The following TTYH3 variants were observed in gnomAD, a reference collection of about 807,000 sequenced individuals.
TTYH3 encodes protein tweety homolog 3.
In TTYH3, 23 loss-of-function variants were observed where a neutral mutation model predicts 68.2. The ratio of observed to expected loss-of-function variants is 0.34; its 90% CI spans 0.24 to 0.48. TTYH3 has a LOEUF of 0.48. Ranked by LOEUF, TTYH3 falls within the 20% of genes least tolerant of loss-of-function variation. The probability of loss-of-function intolerance (pLI) is 0.99; values close to 1 mark genes in which losing one functional copy is unlikely to be tolerated. For synonymous variants in TTYH3, 360 were observed against 332.8 expected, an observed-to-expected ratio of 1.08 and a Z score of -0.89; for missense variants, 768 against 727.7, an observed-to-expected ratio of 1.06 and a Z score of -0.64.
At chr7:2,640,551 T>C (rs1562708589) in intron 1 of TTYH3, among the ~76,000 whole-genome samples, 1 of 152,086 alleles carries the variant, frequency 6.6e-6, no homozygotes, top group Non-Finnish European at 1.5e-5. Context: ...CCTGTGCAGG[T>C]GGCAGGCAGT....
intron 1 of TTYH3, among the ~76,000 whole-genome samples, chr7:2,638,194 C>G (rs1785731483): frequency 6.6e-6 from 1 of 152,088 alleles, no homozygotes; most frequent in Non-Finnish European, 1.5e-5. Flanking sequence ...CTGGCTGGGT[C>G]TGAGGCCTGG....
At position 2,646,866 on chromosome 7, in the gene TTYH3, TG is replaced by T; in HGVS notation, c.142del (p.Ala48ProfsTer96). 1 of 1,596,140 alleles carries T rather than the reference TG, an allele frequency of 6.3e-7. No individual in the cohort carries two copies. Among genetic ancestry groups the T allele is most frequent in the South Asian group, 1.1e-5 (1 of 90,494 alleles). On this transcript the variant is annotated frameshift_variant, in exon 2 of 14. Transcript: ENST00000258796. LOFTEE classifies it high-confidence loss of function. ...DTDYQQALLL[L>X]GAAALACLAL... ...GCCTGCCCTCAGGCCCTGCTGCTCC[TG>T]GGGGCCGCCGCCCTGGCCTGCCTCG...
intron 1 of TTYH3, among the ~76,000 whole-genome samples, chr7:2,639,864 C>A (rs1044151737): frequency 6.6e-6 from 1 of 152,166 alleles, no homozygotes; most frequent in Non-Finnish European, 1.5e-5. Flanking sequence ...CTTCTGCCCA[C>A]CCCTTCTCTG....
At position 2,647,587 on chromosome 7, in the gene TTYH3, C is replaced by T. The variant is rs1316596905; in HGVS notation, c.575C>T (p.Ala192Val). 13 of 1,573,846 alleles carry T rather than the reference C, an allele frequency of 8.3e-6. No homozygotes were observed. Among genetic ancestry groups the T allele is most frequent in the African/African-American group, 1.3e-5 (1 of 74,106 alleles). The change falls in exon 4 of 14, where the codon GCG (alanine) becomes GTG (valine). Residue 192 changes from alanine to valine, a missense_variant. Physicochemically the swap from Ala to Val is moderately conservative, Grantham distance 64. Coordinates refer to ENST00000258796, the MANE Select transcript of TTYH3 (RefSeq NM_025250.3). Reference sequence around the variant, plus strand: ...GCCATCCCCTTTTGGAGGAACACGGCGGTGTCGCTGGAGGTGCTGGCGGAG... The same window carrying T: ...GCCATCCCCTTTTGGAGGAACACGGTGGTGTCGCTGGAGGTGCTGGCGGAG... Reference protein sequence around the residue: ...TAAIPFWRNTAVSLEVLAEQV... With the variant: ...TAAIPFWRNTVVSLEVLAEQV...
chr7:2,639,192 T>A (rs1428581579), intron 1 of TTYH3, among the ~76,000 whole-genome samples: 1 of 152,006 alleles, frequency 6.6e-6, no homozygotes, highest in Non-Finnish European at 1.5e-5. Flanking sequence ...TGGGGGTCAC[T>A]CCCCTCCCAC....
At chr7:2,632,535 G>C (rs753213742) in intron 1 of TTYH3, among the ~76,000 whole-genome samples, 1 of 152,034 alleles carries the variant, frequency 6.6e-6, no homozygotes, top group Non-Finnish European at 1.5e-5. Flanking sequence ...GAGGGTCCAC[G>C]GCCCCCCTCC....
chr7:2,651,944 A>G lies in TTYH3; in HGVS notation c.872-243A>G, dbSNP rs567743359. ...CATGTACACACAGACATGCACACATATAAACACACAGACACATGCACACCG... is the reference window on the plus strand; with the variant it reads ...CATGTACACACAGACATGCACACATGTAAACACACAGACACATGCACACCG... On this transcript the variant is annotated intron_variant, in intron 7 of 13. Coordinates refer to ENST00000258796, the MANE Select transcript of TTYH3 (RefSeq NM_025250.3). Among the ~76,000 whole-genome samples, 13 of 152,290 alleles carry G rather than the reference A, an allele frequency of 8.5e-5. No homozygotes were observed. In the East Asian group the frequency reaches 9.7e-4, roughly 11 times the overall value.
intron 9 of TTYH3, 44 bp downstream of exon 9, chr7:2,653,054 T>G: frequency 2.6e-6 from 4 of 1,513,420 alleles, no homozygotes; most frequent in Non-Finnish European, 3.6e-6. Context: ...AGGGCTCCTC[T>G]TTTCTCAGCA....
At chr7:2,656,886 C>T (rs1208632732) in intron 11 of TTYH3, among the ~76,000 whole-genome samples, 3 of 152,252 alleles carry the variant, frequency 2.0e-5, no homozygotes, top group Non-Finnish European at 4.4e-5. Context: ...GCCTCCCAGG[C>T]AGGTGTCCCC....
At chr7:2,653,492 G>A (rs1444252992) in intron 9 of TTYH3, among the ~76,000 whole-genome samples, 4 of 152,268 alleles carry the variant, frequency 2.6e-5, no homozygotes, top group Non-Finnish European at 4.4e-5. Context: ...TGGGGGCATT[G>A]TGGAAATTTG....
At position 2,660,493 on chromosome 7, in the gene TTYH3, C is replaced by T. The variant is rs1053346890; in HGVS notation, c.1501-1175C>T. The T allele has an allele frequency of 1.3e-4, 133 of 985,376 alleles. No individual in the cohort carries two copies. The African/African-American group carries it at 1.5e-3, about 11-fold the overall frequency. The allele number at this position is 985,376 out of a possible 1,614,324, so 61.0% of individuals were successfully genotyped here. On this transcript the variant is annotated intron_variant, in intron 13 of 13. Coordinates refer to ENST00000258796, the MANE Select transcript of TTYH3 (RefSeq NM_025250.3). Reference sequence around the variant, plus strand: ...ACGTGAGCTTCTCCCGCTGGCCCCACGGTGGTGCGGGTGCCTGCTTGGGCT... The same window carrying T: ...ACGTGAGCTTCTCCCGCTGGCCCCATGGTGGTGCGGGTGCCTGCTTGGGCT...
chr7:2,645,306 G>C lies in TTYH3; in HGVS notation c.124-1547G>C, dbSNP rs1489546542. ...GTTGCAGGGCCTGTGTGCTTTCTCT[G>C]TAGCTTCTATGAAGCCCAGTTTCCC... On this transcript the variant is annotated intron_variant, in intron 1 of 13. Transcript: ENST00000258796. The surrounding 1 kb of genome is among the most constrained non-coding windows in gnomAD (Gnocchi z 4.8). Among the ~76,000 whole-genome samples the C allele has an allele frequency of 2.0e-5, 3 of 152,330 alleles. No individual in the cohort carries two copies. Among genetic ancestry groups the C allele is most frequent in the East Asian group, 3.9e-4 (2 of 5,186 alleles).
intron 4 of TTYH3, 80 bp downstream of exon 4, chr7:2,647,718 T>A: frequency 7.0e-7 from 1 of 1,429,398 alleles, no homozygotes; most frequent in Non-Finnish European, 9.5e-7. Flanking sequence ...TCTCAGCACC[T>A]AGTACATGAG....
intron 1 of TTYH3, among the ~76,000 whole-genome samples, chr7:2,638,510 G>A (rs921070474): frequency 6.6e-6 from 1 of 152,126 alleles, no homozygotes; most frequent in Non-Finnish European, 1.5e-5. Context: ...CCTGGAGGGT[G>A]AGGGCCAGCC....
intron 1 of TTYH3, among the ~76,000 whole-genome samples, chr7:2,636,308 T>G (rs1037764381): frequency 1.3e-5 from 2 of 152,152 alleles, no homozygotes; most frequent in African/African-American, 4.8e-5. Context: ...GTCTTGTCAT[T>G]TACGAAAGCA....
chr7:2,652,874 C>T lies in TTYH3; in HGVS notation c.928-44C>T, dbSNP rs758638795. 1.1e-4 allele frequency: 160 copies of T among 1,466,118 alleles called. 2 individuals are homozygous for T. The East Asian group carries it at 3.1e-3, about 28-fold the overall frequency. The allele number at this position is 1,466,118 out of a possible 1,614,324, so 90.8% of individuals were successfully genotyped here. Reference sequence around the variant, plus strand: ...AGGGTCCTGGGGAGGGAGAGGCGGGCGGACCCAGCAGCGCCCATGGACTTG... The same window carrying T: ...AGGGTCCTGGGGAGGGAGAGGCGGGTGGACCCAGCAGCGCCCATGGACTTG... On this transcript the variant is annotated intron_variant, in intron 8 of 13. Coordinates refer to ENST00000258796, the MANE Select transcript of TTYH3 (RefSeq NM_025250.3).
At position 2,632,159 on chromosome 7, in the gene TTYH3, G is replaced by C; in HGVS notation, c.4G>C (p.Ala2Pro). M[A>P]GVSYAAPWWV... Reference sequence around the variant, plus strand: ...CCGGAGGCGGCCGGGCCCCGCCATGGCCGGGGTCAGCTACGCGGCGCCCTG... The same window carrying C: ...CCGGAGGCGGCCGGGCCCCGCCATGCCCGGGGTCAGCTACGCGGCGCCCTG... Residue 2 changes from alanine (A) to proline (P), a missense_variant, in exon 1 of 14, where the codon GCC (alanine) becomes CCC (proline). Transcript: ENST00000258796. The C allele has an allele frequency of 1.4e-6, 2 of 1,457,594 alleles. No individual in the cohort carries two copies. The highest frequency in any genetic ancestry group is 1.3e-5 in the South Asian group (1 of 74,434). 90.3% of individuals were successfully genotyped at this position (1,457,594 alleles called of 1,614,324 possible). A position where few individuals can be genotyped will look rare whatever the true frequency, so the allele number is the denominator to read the frequency against.
chr7:2,662,059 T>G lies in TTYH3; in HGVS notation c.*320T>G. ...CTACAAGCCCTGGCCGCACCCAACC[T>G]GTGTTGTTGCCGCCCGGCCCTTCCC... is the stretch of plus-strand genomic sequence containing the variant. On this transcript the variant is annotated 3_prime_UTR_variant, in exon 14 of 14. Coordinates refer to ENST00000258796, the MANE Select transcript of TTYH3 (RefSeq NM_025250.3). 1.9e-6 allele frequency: 1 copy of G among 521,356 alleles called. No homozygotes were observed. Among genetic ancestry groups the G allele is most frequent in the Non-Finnish European group, 3.5e-6 (1 of 287,972 alleles). 32.3% of individuals were successfully genotyped at this position (521,356 alleles called of 1,614,324 possible). A position where few individuals can be genotyped will look rare whatever the true frequency, so the allele number is the denominator to read the frequency against.
At chr7:2,654,894 C>T (rs10279297) in intron 9 of TTYH3, among the ~76,000 whole-genome samples, 40,518 of 151,984 alleles carry the variant, frequency 0.27, 6,025 homozygotes, top group African/African-American at 0.38. Flanking sequence ...CAGCGATTCT[C>T]CTGCTGAGTA....
Sources: allele counts gnomAD v4.1 joint callset (sites outside exome capture counted in the v4.1 genomes callset), GRCh38; gene constraint gnomAD v4.1.1; non-coding constraint Gnocchi (gnomAD v3.1); transcripts MANE v1.5; gene names NCBI Gene and HGNC (gene_info 2026-07-23, HGNC 2026-07-21).